PKN2: variants seen among roughly 807,000 people sequenced by gnomAD.
The protein encoded by PKN2 is serine/threonine-protein kinase N2.
PKN2 carries 38 observed loss-of-function variants against 119.1 expected under a neutral mutation model. The ratio of observed to expected loss-of-function variants is 0.32; its 90% CI spans 0.25 to 0.42. The LOEUF (loss-of-function observed/expected upper bound fraction) is 0.42. PKN2 is among the 10% of genes least tolerant of loss of function. PKN2 has a pLI of 1.00. For synonymous variants in PKN2, 390 were observed against 384.9 expected, an observed-to-expected ratio of 1.01 and a Z score of -0.15; for missense variants, 850 against 1,165.1, an observed-to-expected ratio of 0.73 and a Z score of 3.94.
At chr1:88,714,702 A>G (rs1051662689) in intron 1 of PKN2, among the ~76,000 whole-genome samples, 24 of 152,190 alleles carry the variant, frequency 1.6e-4, no homozygotes, top group African/African-American at 1.9e-4. Context: ...TAAATATACA[A>G]TCTTGTCATC....
intron 1 of PKN2, among the ~76,000 whole-genome samples, chr1:88,715,347 A>G (rs1366201025): frequency 6.6e-6 from 1 of 152,210 alleles, no homozygotes; most frequent in South Asian, 2.1e-4. Context: ...GAATGGTACC[A>G]GCTCTTCTTT....
intron 8 of PKN2, among the ~76,000 whole-genome samples, chr1:88,802,408 C>CT (rs1671353444): frequency 6.6e-6 from 1 of 152,048 alleles, no homozygotes; most frequent in Non-Finnish European, 1.5e-5. Context: ...TCACTGCAAC[C>CT]TCCACCTCCT....
chr1:88,706,096 A>G (rs945815508), intron 1 of PKN2, among the ~76,000 whole-genome samples: 4 of 152,126 alleles, frequency 2.6e-5, no homozygotes, highest in Non-Finnish European at 5.9e-5. Flanking sequence ...CTTCCAAACA[A>G]TATTAAGTTG....
chr1:88,740,506 G>T (rs1668534824), intron 1 of PKN2, among the ~76,000 whole-genome samples: 1 of 152,040 alleles, frequency 6.6e-6, no homozygotes, highest in South Asian at 2.1e-4. Context: ...TTAAGTGACT[G>T]CAGTGACCCA....
intron 6 of PKN2, among the ~76,000 whole-genome samples, chr1:88,779,718 A>G (rs927527023): frequency 3.3e-5 from 5 of 152,232 alleles, no homozygotes; most frequent in African/African-American, 1.2e-4. Context: ...ATAGCATACT[A>G]TCACATTCCG....
chr1:88,756,196 G>A (rs1011248185), intron 2 of PKN2, among the ~76,000 whole-genome samples: 3 of 151,960 alleles, frequency 2.0e-5, no homozygotes, highest in African/African-American at 4.8e-5. Context: ...ATGCCCGGCC[G>A]GATATTTCAA....
intron 1 of PKN2, among the ~76,000 whole-genome samples, chr1:88,723,545 C>T (rs937474715): frequency 2.6e-5 from 4 of 152,022 alleles, no homozygotes; most frequent in African/African-American, 9.7e-5. Context: ...CTTCAGCCTC[C>T]CAAGTAGCTG....
In PKN2 at chr1:88,771,584, T is replaced by A. The variant is rs760102311; in HGVS notation, c.768+18T>A. The stretch of plus-strand genomic sequence containing the variant: ...TTTCAGAAGTAATTTTAAATAAAAA[T>A]TTTTATTTGGTTTAATAAATACATT... On this transcript the variant is annotated intron_variant, in intron 5 of 21. Transcript: ENST00000370521. The A allele has an allele frequency of 1.3e-6, 2 of 1,562,546 alleles. No homozygotes were observed.
At chr1:88,765,010 C>G (rs1461849196) in intron 3 of PKN2, among the ~76,000 whole-genome samples, 1 of 152,056 alleles carries the variant, frequency 6.6e-6, no homozygotes, top group African/African-American at 2.4e-5. Flanking sequence ...GCAACCTCTG[C>G]CTCCCAAATT....
chr1:88,723,698 G>A (rs755079587), intron 1 of PKN2, among the ~76,000 whole-genome samples: 2 of 152,010 alleles, frequency 1.3e-5, no homozygotes, highest in Non-Finnish European at 2.9e-5. Context: ...GTAAATCCAG[G>A]TATCCTTTTT....
At chr1:88,739,885 CT>C (rs1210556049) in intron 1 of PKN2, among the ~76,000 whole-genome samples, 1 of 152,088 alleles carries the variant, frequency 6.6e-6, no homozygotes, top group African/African-American at 2.4e-5. Context: ...AGTAATGATG[CT>C]TTTGTACTGA....
intron 2 of PKN2, among the ~76,000 whole-genome samples, chr1:88,758,345 A>G (rs1669299462): frequency 6.6e-6 from 1 of 150,998 alleles, no homozygotes; most frequent in African/African-American, 2.4e-5. Context: ...TCCTAAAATC[A>G]TAGAAACCTA....
chr1:88,729,596 C>G (rs1668047653), intron 1 of PKN2, among the ~76,000 whole-genome samples: 2 of 152,160 alleles, frequency 1.3e-5, no homozygotes, highest in Admixed American at 6.5e-5. Context: ...GTTTGGACTT[C>G]TTTATATAGC....
At chr1:88,755,690 C>T (rs1669169697) in intron 2 of PKN2, among the ~76,000 whole-genome samples, 1 of 152,110 alleles carries the variant, frequency 6.6e-6, no homozygotes, top group Admixed American at 6.5e-5. Flanking sequence ...GCTAAGGAAA[C>T]TGTAGCACAG....
At chr1:88,828,278 A>G (rs1672590289) in intron 18 of PKN2, among the ~76,000 whole-genome samples, 1 of 152,206 alleles carries the variant, frequency 6.6e-6, no homozygotes, top group African/African-American at 2.4e-5. Flanking sequence ...CTATTTACCC[A>G]TTAATTAGAC....
At chr1:88,708,403 G>A (rs529796224) in intron 1 of PKN2, among the ~76,000 whole-genome samples, 19 of 151,936 alleles carry the variant, frequency 1.3e-4, no homozygotes, top group Non-Finnish European at 2.6e-4. Context: ...GTGTTTCTTC[G>A]GGGTACTGCT....
At chr1:88,720,170 A>T (rs958838294) in intron 1 of PKN2, among the ~76,000 whole-genome samples, 36 of 151,948 alleles carry the variant, frequency 2.4e-4, no homozygotes, top group African/African-American at 8.2e-4. Flanking sequence ...AGTAGCTGGG[A>T]CTATAGGTGC....
intron 11 of PKN2, 82 bp downstream of exon 11, chr1:88,805,753 T>A: frequency 6.3e-7 from 1 of 1,598,084 alleles, no homozygotes. Context: ...GTGTACTGAG[T>A]CTTGCTTTTT....
At chr1:88,806,304 G>A in intron 12 of PKN2, 1 of 335,782 alleles carries the variant, frequency 3.0e-6, no homozygotes, top group South Asian at 3.0e-5. Flanking sequence ...TGAATAACTG[G>A]GGTTACAGGC....
Sources: gnomAD v4.1 joint callset for allele counts (sites outside exome capture counted in the v4.1 genomes callset) on GRCh38, gnomAD v4.1.1 for gene constraint, MANE v1.5 for transcripts, NCBI Gene and HGNC (gene_info 2026-07-23, HGNC 2026-07-21) for gene names.